The following DNAJC5B variants were observed in gnomAD, a reference collection of about 807,000 sequenced individuals.
DNAJC5B encodes dnaJ homolog subfamily C member 5B.
DNAJC5B carries 23 observed loss-of-function variants against 24.7 expected under a neutral mutation model. The observed-to-expected ratio is 0.93, with a 90% confidence interval of 0.67 to 1.32. The LOEUF is 1.32. Ranked by LOEUF, DNAJC5B falls within the 40% of genes most tolerant of loss-of-function variation. The probability of loss-of-function intolerance (pLI) is 0.00; values close to 1 mark genes in which losing one functional copy is unlikely to be tolerated. For synonymous variants in DNAJC5B, 101 were observed against 90.1 expected (o/e 1.12, Z -0.68); for missense variants, 238 against 240.8 (o/e 0.99, Z 0.08).
rs148319604 is a variant in DNAJC5B, at chr8:66,051,691, C to A, written c.119+25C>A. On this transcript the variant is annotated intron_variant, in intron 3 of 5. Transcript: ENST00000276570. ...GGTACGGATTTCAATGGTGACATTTCTTCTGCTACTAGTGAGTTATTTTGT... is the reference window on the plus strand; with the variant it reads ...GGTACGGATTTCAATGGTGACATTTATTCTGCTACTAGTGAGTTATTTTGT... 1,162 of 1,537,032 alleles carry A rather than the reference C, an allele frequency of 7.6e-4. 6 individuals carry two copies. The African/African-American group carries it at 0.014, about 19-fold the overall frequency.
intron 3 of DNAJC5B, among the ~76,000 whole-genome samples, chr8:66,051,958 T>C (rs150400751): frequency 8.0e-4 from 121 of 151,484 alleles, no homozygotes; most frequent in African/African-American, 2.8e-3. Context: ...CACAACCAAT[T>C]GCTGTCATTT....
At chr8:66,021,132 ACT>A, upstream of DNAJC5B, among the ~76,000 whole-genome samples, 1 of 151,752 alleles carries the variant, frequency 6.6e-6, no homozygotes, top group East Asian at 1.9e-4. Context: ...CTTCACTGAG[ACT>A]CTGTTCTCTT....
intron 5 of DNAJC5B, among the ~76,000 whole-genome samples, chr8:66,096,887 T>C (rs1043796635): frequency 4.6e-5 from 7 of 152,166 alleles, no homozygotes; most frequent in African/African-American, 7.2e-5. Context: ...CTACTTTTCG[T>C]GAGAGGCAAT....
intron 1 of DNAJC5B, among the ~76,000 whole-genome samples, chr8:66,022,552 G>A (rs1806158706): frequency 1.3e-5 from 2 of 152,200 alleles, no homozygotes; most frequent in African/African-American, 4.8e-5. Context: ...TGTTCTGACA[G>A]GTAGGTCAGT....
At chr8:66,058,316 G>A (rs1049327979) in intron 3 of DNAJC5B, among the ~76,000 whole-genome samples, 2 of 152,076 alleles carry the variant, frequency 1.3e-5, no homozygotes, top group African/African-American at 4.8e-5. Flanking sequence ...TTGCTTCTCG[G>A]AGAGGGAAAC....
At chr8:66,022,209 A>G (rs753729717) in intron 1 of DNAJC5B, among the ~76,000 whole-genome samples, 5 of 152,150 alleles carry the variant, frequency 3.3e-5, no homozygotes, top group Non-Finnish European at 5.9e-5. Context: ...CCCCGCCCCC[A>G]GCAACTCCTG....
chr8:66,070,138 GA>G (rs1416132060), intron 3 of DNAJC5B, among the ~76,000 whole-genome samples: 1 of 152,170 alleles, frequency 6.6e-6, no homozygotes, highest in Admixed American at 6.5e-5. Context: ...CATTCCCTTT[GA>G]AAAACAGCAC....
chr8:66,069,692 C>A (rs1331238356), intron 3 of DNAJC5B, among the ~76,000 whole-genome samples: 1 of 152,196 alleles, frequency 6.6e-6, no homozygotes, highest in Non-Finnish European at 1.5e-5. Flanking sequence ...AGAGGGAATC[C>A]TCCCTAACTC....
intron 3 of DNAJC5B, among the ~76,000 whole-genome samples, chr8:66,066,819 C>T (rs1022455956): frequency 2.6e-5 from 4 of 152,144 alleles, no homozygotes; most frequent in African/African-American, 7.2e-5. Context: ...CTATACAATT[C>T]ATCCATGTAA....
At chr8:66,056,555 A>G (rs1586086483) in intron 3 of DNAJC5B, 1 of 152,288 alleles carries the variant, frequency 6.6e-6, no homozygotes, top group Non-Finnish European at 1.5e-5. Context: ...AGACAAACCA[A>G]ACAAACCAAA....
intron 5 of DNAJC5B, among the ~76,000 whole-genome samples, chr8:66,091,860 G>A (rs545357688): frequency 2.0e-5 from 3 of 152,254 alleles, no homozygotes; most frequent in Admixed American, 6.5e-5. Flanking sequence ...ACATGTGGAT[G>A]CTACAATATG....
At chr8:66,024,363 G>A (rs74879979) in intron 1 of DNAJC5B, among the ~76,000 whole-genome samples, 4,559 of 146,082 alleles carry the variant, frequency 0.031, 195 homozygotes, top group African/African-American at 0.095. Flanking sequence ...AAAGCTAATT[G>A]TGAAAAACAG....
At chr8:66,033,770 C>CTTTTTTT (rs765814272) in intron 1 of DNAJC5B, among the ~76,000 whole-genome samples, 3 of 105,390 alleles carry the variant, frequency 2.8e-5, no homozygotes, top group African/African-American at 4.0e-5. Flanking sequence ...GATCATTCCG[C>CTTTTTTT]TTTTTTTTTT....
chr8:66,015,907 G>C, the DNAJC5B span, among the ~76,000 whole-genome samples: 1 of 152,202 alleles, frequency 6.6e-6, no homozygotes, highest in African/African-American at 2.4e-5. Context: ...GTGTGCAGTG[G>C]ACAGTGAGAG....
intron 5 of DNAJC5B, among the ~76,000 whole-genome samples, chr8:66,097,343 GT>G (rs1362051487): frequency 2.0e-5 from 3 of 151,598 alleles, no homozygotes; most frequent in Non-Finnish European, 4.4e-5. Flanking sequence ...ATTTGTCAAA[GT>G]TTAAAGTCAA....
chr8:66,090,250 C>CGT (rs1563612274), intron 5 of DNAJC5B, among the ~76,000 whole-genome samples: 5 of 111,116 alleles, frequency 4.5e-5, no homozygotes, highest in Admixed American at 9.0e-5. Context: ...TGCGTGCAGG[C>CGT]ATGTGTGTGT....
rs531251840 is a variant in DNAJC5B at position 66,083,012 on chromosome 8, T to C, written c.505+2464T>C. Among the ~76,000 whole-genome samples the C allele has an allele frequency of 8.5e-3, 1,175 of 138,240 alleles. 17 individuals are homozygous for C. The highest frequency in any genetic ancestry group is 0.03 in the African/African-American group (1,093 of 36,626). 90.7% of individuals were successfully genotyped at this position (138,240 alleles called of 152,430 possible). On this transcript the variant is annotated intron_variant, in intron 5 of 5. Transcript: ENST00000276570. ...TATTTTCTTTTCTTTTCTTTTTTTT[T>C]TTTTTTTTTTTTTTTGAGATGAAGT...
chr8:66,082,745 T>G (rs1403160149), intron 5 of DNAJC5B, among the ~76,000 whole-genome samples: 1 of 152,128 alleles, frequency 6.6e-6, no homozygotes, highest in African/African-American at 2.4e-5. Context: ...TGGGCAAACC[T>G]CTTTAAGAAA....
intron 3 of DNAJC5B, among the ~76,000 whole-genome samples, chr8:66,075,620 A>G (rs1363844296): frequency 6.6e-6 from 1 of 152,222 alleles, no homozygotes; most frequent in Non-Finnish European, 1.5e-5. Flanking sequence ...GGTTAAATAA[A>G]TTTAACACGA....
Sources: gnomAD v4.1 joint callset for allele counts (sites outside exome capture counted in the v4.1 genomes callset) on GRCh38, gnomAD v4.1.1 for gene constraint, MANE v1.5 for transcripts, NCBI Gene and HGNC (gene_info 2026-07-23, HGNC 2026-07-21) for gene names.